ZNF536: variants seen among roughly 807,000 people sequenced by gnomAD.
The protein encoded by ZNF536 is zinc finger protein 536.
A neutral mutation model predicts 84.5 loss-of-function variants in ZNF536; 13 were observed. The observed-to-expected ratio is 0.15, with a 90% CI of 0.10 to 0.24. ZNF536 has a LOEUF of 0.24. Among genes scored for constraint, ZNF536 ranks in the 10% least tolerant of loss-of-function variants. ZNF536 has a pLI of 1.00. For synonymous variants in ZNF536, 811 were observed against 742.5 expected, an observed-to-expected ratio of 1.09 and a Z score of -1.50; for missense variants, 1,536 against 1,747.5, an observed-to-expected ratio of 0.88 and a Z score of 2.16.
chr19:30,304,212 C>T (rs1170269802), intron 2 of ZNF536, among the ~76,000 whole-genome samples: 2 of 152,210 alleles, frequency 1.3e-5, no homozygotes, highest in African/African-American at 4.8e-5. Context: ...CAAACTTTCG[C>T]ACAAACTTCC....
At chr19:30,547,136 T>A (rs901446384) in intron 3 of ZNF536, among the ~76,000 whole-genome samples, 2 of 152,254 alleles carry the variant, frequency 1.3e-5, no homozygotes, top group Non-Finnish European at 2.9e-5. Context: ...AGTACAAATT[T>A]AAGGCACTAC....
At chr19:30,535,114 C>T (rs2045014361) in intron 3 of ZNF536, 115 bp downstream of exon 3, 3 of 1,265,612 alleles carry the variant, frequency 2.4e-6, no homozygotes, top group African/African-American at 3.0e-5. Context: ...GGAAGGTTCT[C>T]CCTGGGCCTG....
intron 1 of ZNF536, among the ~76,000 whole-genome samples, chr19:30,589,075 G>C (rs1273187980): frequency 6.6e-6 from 1 of 152,182 alleles, no homozygotes; most frequent in Non-Finnish European, 1.5e-5. Context: ...GAGGGATTTA[G>C]AGAAAGTTAG....
intron 1 of ZNF536, among the ~76,000 whole-genome samples, chr19:30,588,774 C>G (rs977794232): frequency 2.0e-5 from 3 of 152,074 alleles, no homozygotes; most frequent in Non-Finnish European, 4.4e-5. Context: ...TGAATATTTT[C>G]TAATTATGTT....
At chr19:30,698,368 C>T (rs536188937) in intron 1 of ZNF536, among the ~76,000 whole-genome samples, 172 of 152,086 alleles carry the variant, frequency 1.1e-3, no homozygotes, top group African/African-American at 3.9e-3. Flanking sequence ...CTATTATTAA[C>T]ATCTTACATT....
At chr19:30,657,268 A>G (rs1263998438) in intron 1 of ZNF536, among the ~76,000 whole-genome samples, 2 of 152,158 alleles carry the variant, frequency 1.3e-5, no homozygotes, top group East Asian at 1.9e-4. Flanking sequence ...AGTCACCAAA[A>G]CTGCCTCAGC....
intron 1 of ZNF536, among the ~76,000 whole-genome samples, chr19:30,245,466 G>T (rs1005353379): frequency 6.6e-6 from 1 of 152,192 alleles, no homozygotes; most frequent in Non-Finnish European, 1.5e-5. Flanking sequence ...AATATGTTTT[G>T]TAAGAATGTT....
intron 1 of ZNF536, among the ~76,000 whole-genome samples, chr19:30,428,696 C>G (rs540859102): frequency 6.6e-6 from 1 of 152,276 alleles, no homozygotes; most frequent in Non-Finnish European, 1.5e-5. Context: ...ATGTTGATAT[C>G]AAGACCCTGG....
chr19:30,260,044 C>T (rs1260131751), intron 1 of ZNF536, among the ~76,000 whole-genome samples: 7 of 151,766 alleles, frequency 4.6e-5, no homozygotes, highest in East Asian at 1.9e-4. Flanking sequence ...GGATTACAGG[C>T]GTGAGCCACC....
intron 4 of ZNF536, among the ~76,000 whole-genome samples, chr19:30,553,154 T>A (rs2045844624): frequency 6.6e-6 from 1 of 152,184 alleles, no homozygotes; most frequent in African/African-American, 2.4e-5. Flanking sequence ...GACCTTGGTT[T>A]TGTAATGGGA....
intron 1 of ZNF536, among the ~76,000 whole-genome samples, chr19:30,700,034 CCTTT>C (rs977816419): frequency 7.3e-5 from 11 of 149,994 alleles, no homozygotes; most frequent in East Asian, 6.3e-4. Flanking sequence ...TTTCTTTATT[CCTTT>C]CTTTCTTTCT....
chr19:30,380,192 T>G (rs1490401852), intron 1 of ZNF536, among the ~76,000 whole-genome samples: 2 of 152,202 alleles, frequency 1.3e-5, no homozygotes, highest in African/African-American at 4.8e-5. Context: ...AAAACAGATT[T>G]TTTTTTTTGC....
intron 1 of ZNF536, among the ~76,000 whole-genome samples, chr19:30,262,832 T>C (rs1187839370): frequency 1.3e-5 from 2 of 152,172 alleles, no homozygotes; most frequent in Non-Finnish European, 2.9e-5. Flanking sequence ...GCTGGTTTCC[T>C]CAATATTTGG....
At chr19:30,416,088 T>G (rs2050719290) in intron 1 of ZNF536, among the ~76,000 whole-genome samples, 1 of 152,178 alleles carries the variant, frequency 6.6e-6, no homozygotes, top group African/African-American at 2.4e-5. Context: ...GCTGGGACCA[T>G]GTCTATTCAG....
intron 2 of ZNF536, among the ~76,000 whole-genome samples, chr19:30,505,202 C>A (rs1473157061): frequency 2.7e-5 from 4 of 146,778 alleles, no homozygotes; most frequent in Non-Finnish European, 4.5e-5. Context: ...ATTATTCTCT[C>A]TATATATTAT....
chr19:30,286,069 TCCTCCTCTCTC>T (rs1009321371), intron 2 of ZNF536, among the ~76,000 whole-genome samples: 2 of 151,710 alleles, frequency 1.3e-5, no homozygotes, highest in African/African-American at 4.8e-5. Context: ...ACAGCCCTCT[TCCTCCTCTCTC>T]CCTCCTCCTC....
At chr19:30,239,650 C>A (rs557585746) in intron 1 of ZNF536, among the ~76,000 whole-genome samples, 1 of 152,294 alleles carries the variant, frequency 6.6e-6, no homozygotes, top group Non-Finnish European at 1.5e-5. Flanking sequence ...TCTTAAAATG[C>A]AATTAAGTCA....
intron 2 of ZNF536, among the ~76,000 whole-genome samples, chr19:30,461,001 A>G (rs1425667217): frequency 6.6e-6 from 1 of 152,176 alleles, no homozygotes; most frequent in African/African-American, 2.4e-5. Context: ...GAAAGGACAC[A>G]GAAGGAGATA....
intron 1 of ZNF536, among the ~76,000 whole-genome samples, chr19:30,384,108 CTTTCTTTCTT>C (rs2049202929): frequency 4.1e-5 from 2 of 49,254 alleles, no homozygotes; most frequent in African/African-American, 9.2e-5. Context: ...CTCTTTCTTT[CTTTCTTTCTT>C]TCTTTCTTTC....
Sources: gnomAD v4.1 joint callset for allele counts (sites outside exome capture counted in the v4.1 genomes callset) on GRCh38, gnomAD v4.1.1 for gene constraint, MANE v1.5 for transcripts, NCBI Gene and HGNC (gene_info 2026-07-23, HGNC 2026-07-21) for gene names.